The following CNOT1 variants were observed in gnomAD, a reference collection of about 807,000 sequenced individuals.
The protein encoded by CNOT1 is CCR4-associated factor 1.
CNOT1 carries 15 observed loss-of-function variants against 273.8 expected under a neutral mutation model. The ratio of observed to expected loss-of-function variants is 0.05; its 90% CI spans 0.04 to 0.08. The LOEUF (loss-of-function observed/expected upper bound fraction) is 0.08. CNOT1 is among the 10% of genes least tolerant of loss of function. The pLI is 1.00. For missense variants in CNOT1, 1,644 were observed against 2,912.2 expected, an observed-to-expected ratio of 0.56 and a Z score of 10.02; for synonymous variants, 1,022 against 1,005.5, an observed-to-expected ratio of 1.02 and a Z score of -0.31.
intron 2 of CNOT1, among the ~76,000 whole-genome samples, chr16:58,598,191 G>A (rs982141951): frequency 6.6e-6 from 1 of 152,064 alleles, no homozygotes; most frequent in African/African-American, 2.4e-5. Context: ...CTGAGGTCAG[G>A]AGTTCAAGAC....
chr16:58,589,058 A>C, intron 2 of CNOT1, 152 bp from the exon 3 acceptor site: 1 of 1,108,950 alleles, frequency 9.0e-7, no homozygotes, highest in Non-Finnish European at 1.3e-6. Flanking sequence ...TATTGATGGA[A>C]GTGCCCATAA....
rs750993615 is a variant in CNOT1 at position 58,547,697 on chromosome 16, G to C, written c.3523-15C>G. 1 of 1,605,636 alleles carries C rather than the reference G, an allele frequency of 6.2e-7. No homozygotes were observed. Among genetic ancestry groups the C allele is most frequent in the East Asian group, 2.2e-5 (1 of 44,686 alleles). ...GTCAGGAGCACCTGAAATAGTGTAA[G>C]ATTAAGAAAGATATGAGAATAAGCT... On this transcript the variant is annotated splice_polypyrimidine_tract_variant and intron_variant, in intron 25 of 48. Transcript: ENST00000317147. This position sits in a 1 kb window ranked among gnomAD's most constrained non-coding sequence, Gnocchi z 4.0.
In CNOT1 at chr16:58,549,115, C is replaced by T. The variant is rs935975930; in HGVS notation, c.3522+604G>A. Reference sequence around the variant, plus strand: ...ACCAGCCTGGCCAATATGATTAAACCCCGTCTCTACTAAAAATATAAAAAT... The same window carrying T: ...ACCAGCCTGGCCAATATGATTAAACTCCGTCTCTACTAAAAATATAAAAAT... On this transcript the variant is annotated intron_variant, in intron 25 of 48. Transcript: ENST00000317147. Among the ~76,000 whole-genome samples the T allele has an allele frequency of 8.6e-5, 13 of 151,908 alleles. No homozygotes were observed. The East Asian group carries it at 2.5e-3, about 29-fold the overall frequency.
chr16:58,554,519 T>C (rs546218737), intron 21 of CNOT1, among the ~76,000 whole-genome samples: 1 of 152,288 alleles, frequency 6.6e-6, no homozygotes, highest in Non-Finnish European at 1.5e-5. Context: ...CTGTATAAAT[T>C]TGTCAAAATT....
chr16:58,615,918 CTTTTTTTT>C (rs762479250), intron 1 of CNOT1, among the ~76,000 whole-genome samples: 1 of 104,354 alleles, frequency 9.6e-6, no homozygotes, highest in East Asian at 2.1e-4. Flanking sequence ...CCCATCTCTA[CTTTTTTTT>C]TTTTTTTTTA....
chr16:58,618,245 T>C (rs1438949581), intron 1 of CNOT1, among the ~76,000 whole-genome samples: 1 of 151,986 alleles, frequency 6.6e-6, no homozygotes, highest in Non-Finnish European at 1.5e-5. Context: ...AAGGCTGCAT[T>C]GAGCTGTGGT....
rs2039342803 is a variant in CNOT1, at chr16:58,520,860, G to A, written c.*98C>T. On this transcript the variant is annotated 3_prime_UTR_variant, in exon 49 of 49. Transcript: ENST00000317147. ...CAGATACCCACAAACCAAAGGGCTGGGAAAGTCAGGAAGAGCTGAAAGGAT... is the reference window on the plus strand; with the variant it reads ...CAGATACCCACAAACCAAAGGGCTGAGAAAGTCAGGAAGAGCTGAAAGGAT... The A allele has an allele frequency of 7.1e-6, 9 of 1,275,476 alleles. No homozygotes were observed. Among genetic ancestry groups the A allele is most frequent in the African/African-American group, 1.5e-5 (1 of 68,552 alleles). 79.0% of individuals were successfully genotyped at this position (1,275,476 alleles called of 1,614,324 possible). A position where few individuals can be genotyped will look rare whatever the true frequency, so the allele number is the denominator to read the frequency against.
chr16:58,575,109 A>T lies in CNOT1; in HGVS notation c.1725T>A (p.Asn575Lys). Reference sequence around the variant, plus strand: ...CAATAACAAAGGCAAATGGAGTACCATTTAGCAGCATTGACAAGGCCTAAA... The same window carrying T: ...CAATAACAAAGGCAAATGGAGTACCTTTTAGCAGCATTGACAAGGCCTAAA... The part of the protein sequence containing the change: ...QDLKALSMLL[N>K]GTPFAFVIDL... Residue 575 changes from asparagine (N) to lysine (K), a missense_variant, in exon 15 of 49, where the codon AAT (asparagine) becomes AAA (lysine). Physicochemically the swap from Asn to Lys is moderately conservative, Grantham distance 94. Transcript: ENST00000317147. 1 of 1,613,872 alleles carries T rather than the reference A, an allele frequency of 6.2e-7. No homozygotes were observed. Among genetic ancestry groups the T allele is most frequent in the Non-Finnish European group, 8.5e-7 (1 of 1,179,972 alleles).
At position 58,580,530 on chromosome 16, in the gene CNOT1, G is replaced by A. The variant is rs77115576; in HGVS notation, c.1343+103C>T. The A allele has an allele frequency of 1.3e-3, 1,911 of 1,442,412 alleles. 30 individuals are homozygous for A. In the African/African-American group the frequency reaches 0.025, roughly 19 times the overall value. The allele number at this position is 1,442,412 out of a possible 1,614,324, so 89.4% of individuals were successfully genotyped here. The stretch of plus-strand genomic sequence containing the variant: ...GATAAGTAAGGTCACTAAAACTACT[G>A]CTTCATTTAAACCTGTTAACTATGT... On this transcript the variant is annotated intron_variant, in intron 12 of 48. Transcript: ENST00000317147.
intron 1 of CNOT1, among the ~76,000 whole-genome samples, chr16:58,605,387 C>T (rs2042640403): frequency 6.6e-6 from 1 of 151,918 alleles, no homozygotes; most frequent in African/African-American, 2.4e-5. Flanking sequence ...CCTGTAATCC[C>T]GGCTACTCAG....
chr16:58,605,073 T>C lies in CNOT1; in HGVS notation c.-174-5562A>G, dbSNP rs187938932. 2.7e-3 allele frequency among the ~76,000 whole-genome samples: 406 copies of C among 151,492 alleles called. 2 individuals carry two copies. The highest frequency in any genetic ancestry group is 9.3e-3 in the African/African-American group (382 of 41,266). ...ATGGCATGAACCTGGGAGGCGGAGA[T>C]TGCAGTGAGCCGAGATCGCGCCACT... On this transcript the variant is annotated intron_variant, in intron 1 of 48. Coordinates refer to ENST00000317147, the MANE Select transcript of CNOT1 (RefSeq NM_016284.5).
At chr16:58,585,274 T>C in intron 8 of CNOT1, 64 bp downstream of exon 8, 2 of 1,584,732 alleles carry the variant, frequency 1.3e-6, no homozygotes, top group South Asian at 2.3e-5. Flanking sequence ...AGAGACTTTT[T>C]TTAAAGAATT....
intron 35 of CNOT1, among the ~76,000 whole-genome samples, chr16:58,539,246 C>T (rs896856222): frequency 2.6e-5 from 4 of 151,980 alleles, no homozygotes; most frequent in Non-Finnish European, 5.9e-5. Flanking sequence ...ATAATCCTAG[C>T]GCTTTGGGAG....
chr16:58,560,067 T>G, intron 17 of CNOT1, 145 bp downstream of exon 17: 1 of 1,512,358 alleles, frequency 6.6e-7, no homozygotes, highest in Non-Finnish European at 8.8e-7. Context: ...AATGCCTATT[T>G]ACATATCTCC....
chr16:58,605,945 G>C (rs1429252656), intron 1 of CNOT1, among the ~76,000 whole-genome samples: 1 of 151,958 alleles, frequency 6.6e-6, no homozygotes, highest in Non-Finnish European at 1.5e-5. Flanking sequence ...CATGAGCCAC[G>C]GTACCCAGCC....
chr16:58,580,278 T>C (rs954219026), intron 12 of CNOT1, among the ~76,000 whole-genome samples: 7 of 143,504 alleles, frequency 4.9e-5, no homozygotes, highest in African/African-American at 1.8e-4. Flanking sequence ...ATTTGACAGG[T>C]TGGCCACCTT....
chr16:58,535,800 C>A (rs1257751127), intron 39 of CNOT1, among the ~76,000 whole-genome samples: 1 of 151,650 alleles, frequency 6.6e-6, no homozygotes, highest in Admixed American at 6.6e-5. Context: ...GTGGTGCAAT[C>A]TCGGCTCACT....
chr16:58,612,422 ACT>A (rs1287124267), intron 1 of CNOT1, among the ~76,000 whole-genome samples: 7 of 152,038 alleles, frequency 4.6e-5, no homozygotes, highest in Admixed American at 6.6e-5. Context: ...TCTTTTTTTC[ACT>A]CTCTTTCTGC....
At position 58,580,692 on chromosome 16, in the gene CNOT1, A is replaced by G. The variant is rs764904133; in HGVS notation, c.1284T>C (p.Thr428=). 7.4e-6 allele frequency: 12 copies of G among 1,613,520 alleles called. No individual in the cohort carries two copies. The highest frequency in any genetic ancestry group is 1.0e-5 in the Non-Finnish European group (12 of 1,179,762). The change falls in exon 12 of 49, where the codon ACT becomes ACC. Residue 428 remains threonine, a synonymous_variant. Transcript: ENST00000317147. The stretch of plus-strand genomic sequence containing the variant: ...GTGCTTTCAGAATATCAGTGGCAAC[A>G]GTATGACAGGGATAGTCAGCAAAAC... The part of the protein sequence containing the change: ...IFCFADYPCH[T]VATDILKAPP...
Sources: allele counts gnomAD v4.1 joint callset (sites outside exome capture counted in the v4.1 genomes callset), GRCh38; gene constraint gnomAD v4.1.1; non-coding constraint Gnocchi (gnomAD v3.1); transcripts MANE v1.5; gene names NCBI Gene and HGNC (gene_info 2026-07-23, HGNC 2026-07-21).